The following DPYD variants were observed in gnomAD, a reference collection of about 807,000 sequenced individuals.
DPYD encodes the protein dihydropyrimidine dehydrogenase, also known as dihydropyrimidine dehydrogenase [NADP(+)].
In DPYD, 109 loss-of-function variants were observed where a neutral mutation model predicts 116.2. That is an observed-to-expected ratio of 0.94 (90% CI 0.80 to 1.10). DPYD has a LOEUF of 1.10. DPYD is among the 50% of genes least tolerant of loss of function. The pLI is 0.00. For missense variants in DPYD, 1,302 were observed against 1,254.5 expected (o/e 1.04, Z -0.57); for synonymous variants, 440 against 432.0 (o/e 1.02, Z -0.23).
intron 7 of DPYD, among the ~76,000 whole-genome samples, chr1:97,679,665 T>C (rs1455140024): frequency 6.6e-6 from 1 of 152,078 alleles, no homozygotes; most frequent in Non-Finnish European, 1.5e-5. Flanking sequence ...GGGATTTCAA[T>C]AGGGCCTTTA....
intron 12 of DPYD, among the ~76,000 whole-genome samples, chr1:97,536,581 C>T (rs1650015821): frequency 1.3e-5 from 2 of 152,174 alleles, no homozygotes; most frequent in South Asian, 4.1e-4. Context: ...GCCCTTTCTT[C>T]AGGCATTTTT....
rs573489067 is a variant in DPYD at position 97,514,268 on chromosome 1, G to T, written c.1740+1458C>A. 14 of 981,442 alleles carry T rather than the reference G, an allele frequency of 1.4e-5. No individual in the cohort carries two copies. In the South Asian group the frequency reaches 5.7e-4, roughly 40 times the overall value. The allele number at this position is 981,442 out of a possible 1,614,324, so 60.8% of individuals were successfully genotyped here. On this transcript the variant is annotated intron_variant, in intron 13 of 22. Transcript: ENST00000370192. ...CAAATCAATGCATGTCACCAACAGTGTAAAGACTGATGTCTCTGATTAATC... is the reference window on the plus strand; with the variant it reads ...CAAATCAATGCATGTCACCAACAGTTTAAAGACTGATGTCTCTGATTAATC...
Position 97,104,648 on chromosome 1 carries a change from C to T in DPYD, c.2623-6016G>A, listed in dbSNP as rs529077600. On this transcript the variant is annotated intron_variant, in intron 20 of 22. Coordinates refer to ENST00000370192, the MANE Select transcript of DPYD (RefSeq NM_000110.4). ...AGGATGGCAAGTGGTGCAGTGGAGG[C>T]GTGAGGTCAGGAAAGGTGAAGAGAA... is the stretch of plus-strand genomic sequence containing the variant. Among the ~76,000 whole-genome samples the T allele has an allele frequency of 2.2e-4, 34 of 151,984 alleles. No homozygotes were observed. The South Asian group carries it at 4.8e-3, about 21-fold the overall frequency.
At chr1:97,362,116 C>G (rs1485981810) in intron 16 of DPYD, among the ~76,000 whole-genome samples, 1 of 152,216 alleles carries the variant, frequency 6.6e-6, no homozygotes, top group African/African-American at 2.4e-5. Context: ...TCTCAGGATA[C>G]AAAATCAATG....
At chr1:97,905,472 T>C (rs1261431616) in intron 1 of DPYD, among the ~76,000 whole-genome samples, 1 of 152,062 alleles carries the variant, frequency 6.6e-6, no homozygotes, top group African/African-American at 2.4e-5. Context: ...GAAAACACGA[T>C]ATAGAATCCC....
At chr1:97,759,740 T>C (rs1179596890) in intron 3 of DPYD, among the ~76,000 whole-genome samples, 2 of 152,160 alleles carry the variant, frequency 1.3e-5, no homozygotes, top group Non-Finnish European at 2.9e-5. Flanking sequence ...AAGGCATGAT[T>C]CTGATTTAAT....
intron 8 of DPYD, among the ~76,000 whole-genome samples, chr1:97,662,900 T>C (rs1424521267): frequency 1.3e-5 from 2 of 152,198 alleles, no homozygotes; most frequent in African/African-American, 4.8e-5. Flanking sequence ...GTCACACAGT[T>C]TCACTGGGCT....
intron 14 of DPYD, among the ~76,000 whole-genome samples, chr1:97,438,993 T>C (rs990384621): frequency 6.6e-6 from 1 of 152,148 alleles, no homozygotes; most frequent in African/African-American, 2.4e-5. Flanking sequence ...CTATTTAGTA[T>C]GATATTAGTT....
chr1:97,877,807 A>G (rs1671999194), intron 2 of DPYD, among the ~76,000 whole-genome samples: 1 of 151,968 alleles, frequency 6.6e-6, no homozygotes, highest in Non-Finnish European at 1.5e-5. Context: ...CAATGGAGGG[A>G]CATATATTCT....
chr1:97,845,525 G>C (rs1035153925), intron 2 of DPYD, among the ~76,000 whole-genome samples: 1 of 152,156 alleles, frequency 6.6e-6, no homozygotes, highest in Non-Finnish European at 1.5e-5. Context: ...TGGGTCTCTC[G>C]AGTACTGTTC....
At chr1:97,506,306 C>T (rs1389438315) in intron 13 of DPYD, among the ~76,000 whole-genome samples, 2 of 151,690 alleles carry the variant, frequency 1.3e-5, no homozygotes. Context: ...AATACAAAGG[C>T]AAGGAGAATA....
chr1:97,087,212 C>T (rs758007775), intron 21 of DPYD, among the ~76,000 whole-genome samples: 11 of 152,132 alleles, frequency 7.2e-5, no homozygotes, highest in Admixed American at 1.3e-4. Flanking sequence ...TGGGAAAGAA[C>T]CTGGAGCAAC....
Position 97,689,416 on chromosome 1 carries a change from T to C in DPYD, c.762+2301A>G, listed in dbSNP as rs79063766. Among the ~76,000 whole-genome samples, 1,230 of 152,120 alleles carry C rather than the reference T, an allele frequency of 8.1e-3. 18 individuals are homozygous for C. Among genetic ancestry groups the C allele is most frequent in the African/African-American group, 0.028 (1,163 of 41,546 alleles). ...GCTCTACATGGTTCTAGTCCTGGCA[T>C]ACTACTTGGCAAAAATAAGTTCTGA... On this transcript the variant is annotated intron_variant, in intron 7 of 22. Transcript: ENST00000370192.
chr1:97,251,660 T>TAC lies in DPYD; in HGVS notation c.2300-16668_2300-16667dup, dbSNP rs530109544. On this transcript the variant is annotated intron_variant, in intron 18 of 22. Transcript: ENST00000370192. ...AAGCACGTACACACAAACATACACA[T>TAC]ACACACACACACATTGTCAGTGATA... is the stretch of plus-strand genomic sequence containing the variant. 7.9e-5 allele frequency among the ~76,000 whole-genome samples: 12 copies of TAC among 151,632 alleles called. 1 individual carries two copies. The South Asian group carries it at 1.5e-3, about 18-fold the overall frequency.
intron 13 of DPYD, among the ~76,000 whole-genome samples, chr1:97,450,922 T>C (rs751222008): frequency 8.5e-5 from 13 of 152,164 alleles, no homozygotes; most frequent in Non-Finnish European, 1.9e-4. Flanking sequence ...CTTCTAAAGC[T>C]GTATTAACGA....
chr1:97,874,442 G>T (rs1307663916), intron 2 of DPYD, among the ~76,000 whole-genome samples: 8 of 151,848 alleles, frequency 5.3e-5, no homozygotes, highest in African/African-American at 1.7e-4. Flanking sequence ...AGAACTAGGT[G>T]CATACAGGGT....
intron 20 of DPYD, among the ~76,000 whole-genome samples, chr1:97,139,661 G>T (rs1281595647): frequency 6.6e-6 from 1 of 152,116 alleles, no homozygotes; most frequent in African/African-American, 2.4e-5. Flanking sequence ...ACAGATTAAA[G>T]GCAAAGGCAG....
chr1:97,108,970 C>G (rs1651380742), intron 20 of DPYD, among the ~76,000 whole-genome samples: 1 of 152,070 alleles, frequency 6.6e-6, no homozygotes, highest in African/African-American at 2.4e-5. Context: ...TCTACTAAAG[C>G]AATGCAATAT....
chr1:97,106,224 G>T (rs1651127370), intron 20 of DPYD, among the ~76,000 whole-genome samples: 1 of 152,092 alleles, frequency 6.6e-6, no homozygotes. Context: ...TATTTTCAAA[G>T]CTGTTATAGT....
Sources: allele counts gnomAD v4.1 joint callset (sites outside exome capture counted in the v4.1 genomes callset), GRCh38; gene constraint gnomAD v4.1.1; transcripts MANE v1.5; gene names NCBI Gene and HGNC (gene_info 2026-07-23, HGNC 2026-07-21).